Variants in ANXA8 observed in about 807,000 individuals in gnomAD.
ANXA8 encodes VAC-beta.
ANXA8 carries 9 observed loss-of-function variants against 26.8 expected under a neutral mutation model. That is an observed-to-expected ratio of 0.34 (90% confidence interval 0.20 to 0.59). The LOEUF (loss-of-function observed/expected upper bound fraction) is 0.59, where lower values mean the gene tolerates loss of function less well. Among genes scored for constraint, ANXA8 ranks in the 20% least tolerant of loss-of-function variants. The pLI is 0.84. For missense variants in ANXA8, 83 were observed against 238.5 expected (o/e 0.35, Z 4.29); for synonymous variants, 39 against 94.8 (o/e 0.41, Z 3.42).
At chr10:47,612,323 A>G in the ANXA8 span, among the ~76,000 whole-genome samples, 1 of 59,630 alleles carries the variant, frequency 1.7e-5, no homozygotes, top group Non-Finnish European at 3.7e-5. Context: ...TCTTTGGGAG[A>G]GGAAACATCT....
At chr10:47,519,125 G>T in the ANXA8 span, among the ~76,000 whole-genome samples, 2 of 137,192 alleles carry the variant, frequency 1.5e-5, no homozygotes, top group Non-Finnish European at 3.1e-5. Flanking sequence ...TGAATGGCTT[G>T]GTCCCATCCC....
chr10:47,973,895 G>A, the ANXA8 span, among the ~76,000 whole-genome samples: 1 of 150,996 alleles, frequency 6.6e-6, no homozygotes, highest in South Asian at 2.1e-4. Context: ...ATCTAGTCCA[G>A]GGCTTTTTGT....
the ANXA8 span, among the ~76,000 whole-genome samples, chr10:47,699,931 A>G: frequency 2.0e-5 from 3 of 151,990 alleles, no homozygotes; most frequent in Non-Finnish European, 2.9e-5. Context: ...AATAAAGAAG[A>G]TAGTTCAAAA....
chr10:47,701,327 C>T, the ANXA8 span, among the ~76,000 whole-genome samples: 1 of 151,522 alleles, frequency 6.6e-6, no homozygotes, highest in African/African-American at 2.4e-5. Context: ...AACAAAATTA[C>T]ATATGTACTT....
chr10:47,960,733 C>T, the ANXA8 span, among the ~76,000 whole-genome samples: 1 of 146,898 alleles, frequency 6.8e-6, no homozygotes, highest in South Asian at 2.1e-4. Context: ...CTGACTTGCA[C>T]CCTGTGTTGA....
At chr10:47,514,183 A>G in the ANXA8 span, among the ~76,000 whole-genome samples, 3 of 145,854 alleles carry the variant, frequency 2.1e-5, no homozygotes, top group Admixed American at 6.8e-5. Flanking sequence ...TACAATTACA[A>G]AAATATGGAA....
At chr10:47,491,894 G>A in the ANXA8 span, among the ~76,000 whole-genome samples, 1 of 147,506 alleles carries the variant, frequency 6.8e-6, no homozygotes, top group African/African-American at 2.5e-5. Flanking sequence ...TGAGGCTTCT[G>A]TAACCCTGTC....
chr10:47,663,954 A>AT, the ANXA8 span, among the ~76,000 whole-genome samples: 1 of 148,396 alleles, frequency 6.7e-6, no homozygotes, highest in Admixed American at 6.7e-5. Context: ...AAGGGATCAA[A>AT]TTTTTTTTTA....
At chr10:47,570,774 AG>A in the ANXA8 span, among the ~76,000 whole-genome samples, 2 of 150,410 alleles carry the variant, frequency 1.3e-5, 1 homozygote, top group African/African-American at 5.0e-5. Flanking sequence ...CCACATCTCA[AG>A]AAGAAAGAGA....
Position 47,474,370 on chromosome 10 carries a change from C to G in ANXA8, c.581G>C (p.Arg194Pro). The change falls in exon 8 of 12, where the codon CGT (arginine) becomes CCT (proline). Residue 194 changes from arginine (R) to proline (P), a missense_variant. Arg to Pro is a moderately radical substitution (Grantham distance 103, BLOSUM62 -2). Transcript: ENST00000585281. Reference protein sequence around the residue: ...QDLYAAGEKIRGTDEMKFITI... With the variant: ...QDLYAAGEKIPGTDEMKFITI... ...GATGAATTTCATCTCATCAGTCCCA[C>G]GAATCTTCTCGCCTGCCGCATACAG... The G allele has an allele frequency of 6.5e-7, 1 of 1,528,234 alleles. No individual in the cohort carries two copies. The highest frequency in any genetic ancestry group is 8.8e-7 in the Non-Finnish European group (1 of 1,133,730). 94.7% of individuals were successfully genotyped at this position (1,528,234 alleles called of 1,614,324 possible). A position where few individuals can be genotyped will look rare whatever the true frequency, so the allele number is the denominator to read the frequency against.
the ANXA8 span, chr10:47,553,234 C>CTAAGTCGCCT: frequency 6.6e-6 from 1 of 152,062 alleles, no homozygotes; most frequent in Non-Finnish European, 1.5e-5. Flanking sequence ...GGGACCACGT[C>CTAAGTCGCCT]GCCAGGAAAC....
At chr10:47,976,429 TAGGC>T in the ANXA8 span, among the ~76,000 whole-genome samples, 3 of 151,484 alleles carry the variant, frequency 2.0e-5, no homozygotes, top group Non-Finnish European at 4.4e-5. Context: ...TGTTCTCAGC[TAGGC>T]ATGGTGGCTC....
At chr10:47,470,160 A>G (rs1395447536) in intron 11 of ANXA8, among the ~76,000 whole-genome samples, 32 of 151,910 alleles carry the variant, frequency 2.1e-4, no homozygotes, top group Non-Finnish European at 1.6e-4. Flanking sequence ...TTGCCTCTTA[A>G]TTTCAATGCA....
At chr10:47,687,215 T>A in the ANXA8 span, among the ~76,000 whole-genome samples, 1 of 151,772 alleles carries the variant, frequency 6.6e-6, no homozygotes, top group South Asian at 2.1e-4. Flanking sequence ...TTCATTATCA[T>A]GGTAATGTTA....
chr10:47,587,475 C>T, the ANXA8 span, among the ~76,000 whole-genome samples: 6 of 146,258 alleles, frequency 4.1e-5, 1 homozygote, highest in African/African-American at 1.4e-4. Context: ...AGAACTCATA[C>T]TCCAGGCCCT....
chr10:47,651,771 G>C, the ANXA8 span, among the ~76,000 whole-genome samples: 3 of 151,932 alleles, frequency 2.0e-5, no homozygotes, highest in African/African-American at 7.3e-5. Flanking sequence ...GCTTATGCCT[G>C]TAATTCCAGC....
chr10:47,487,775 T>G (rs1396206275), upstream of ANXA8, among the ~76,000 whole-genome samples: 10 of 91,672 alleles, frequency 1.1e-4, no homozygotes, highest in African/African-American at 2.8e-4. Context: ...GTTTATAGTG[T>G]TTTTTTTTTT....
the ANXA8 span, among the ~76,000 whole-genome samples, chr10:47,918,411 A>G: frequency 3.3e-5 from 1 of 30,088 alleles, no homozygotes; most frequent in African/African-American, 2.2e-4. Context: ...GAAAGAAAGA[A>G]AGAAAGAAAG....
chr10:47,979,426 G>T, the ANXA8 span, among the ~76,000 whole-genome samples: 1 of 151,266 alleles, frequency 6.6e-6, no homozygotes, highest in Admixed American at 6.6e-5. Context: ...AAGAATAGTG[G>T]CCCCCAAAGA....
Sources: gnomAD v4.1 joint callset for allele counts (sites outside exome capture counted in the v4.1 genomes callset) on GRCh38, gnomAD v4.1.1 for gene constraint, MANE v1.5 for transcripts, NCBI Gene and HGNC (gene_info 2026-07-23, HGNC 2026-07-21) for gene names.